NDUFB7: variants seen among roughly 807,000 people sequenced by gnomAD.
NDUFB7 encodes NADH:ubiquinone oxidoreductase subunit B7.
In NDUFB7, 18 loss-of-function variants were observed where a neutral mutation model predicts 14.7. The observed-to-expected ratio is 1.22, with a 90% CI of 0.85 to 1.81. The LOEUF (loss-of-function observed/expected upper bound fraction) is 1.81. NDUFB7 is among the 40% of genes most tolerant of loss of function. NDUFB7 has a pLI of 0.00. For missense variants in NDUFB7, 219 were observed against 195.0 expected (o/e 1.12, Z -0.73); for synonymous variants, 86 against 76.1 (o/e 1.13, Z -0.68).
At chr19:14,569,882 C>T (rs1029669593) in intron 1 of NDUFB7, among the ~76,000 whole-genome samples, 1 of 152,106 alleles carries the variant, frequency 6.6e-6, no homozygotes, top group Admixed American at 6.6e-5. Context: ...TGCCCCTTCA[C>T]ATCTTTGTTT....
chr19:14,566,401 T>G, intron 2 of NDUFB7, 136 bp from the exon 3 acceptor site: 2 of 1,436,996 alleles, frequency 1.4e-6, no homozygotes, highest in Non-Finnish European at 1.9e-6. Flanking sequence ...GCCTGTGGCT[T>G]GGGTCTGGGG....
Position 14,566,195 on chromosome 19 carries a change from T to G in NDUFB7, c.352A>C (p.Lys118Gln). The change falls in exon 3 of 3, where the codon AAG (lysine) becomes CAG (glutamine). Residue 118 changes from lysine to glutamine, a missense_variant. Lys to Gln is a moderately conservative substitution (Grantham distance 53). Transcript: ENST00000215565. ...LLQRKKRREK[K>Q]AAELAKGQGP... ...TGGCCTTTGGCCAACTCTGCCGCCTTCTTCTCCCGCCGCTTCTTCCGCTGG... is the reference window on the plus strand; with the variant it reads ...TGGCCTTTGGCCAACTCTGCCGCCTGCTTCTCCCGCCGCTTCTTCCGCTGG... 1 of 1,613,876 alleles carries G rather than the reference T, an allele frequency of 6.2e-7. No individual in the cohort carries two copies. Among genetic ancestry groups the G allele is most frequent in the East Asian group, 2.2e-5 (1 of 44,840 alleles).
intron 1 of NDUFB7, among the ~76,000 whole-genome samples, chr19:14,570,860 C>A (rs1196190306): frequency 3.9e-5 from 6 of 152,232 alleles, no homozygotes; most frequent in African/African-American, 1.2e-4. Context: ...AAAACAAACA[C>A]ACGAACCAAA....
intron 2 of NDUFB7, 70 bp from the exon 3 acceptor site, chr19:14,566,335 G>A (rs778351907): frequency 5.7e-5 from 91 of 1,604,892 alleles, no homozygotes; most frequent in Non-Finnish European, 7.1e-5. Context: ...CCTGGGAAGC[G>A]GAGGGGCCGT....
chr19:14,569,770 A>G (rs1459075524), intron 1 of NDUFB7, among the ~76,000 whole-genome samples: 2 of 152,120 alleles, frequency 1.3e-5, no homozygotes, highest in Admixed American at 6.6e-5. Flanking sequence ...CTTGTCGCCC[A>G]CTCAGTAGAC....
rs533310031 is a variant in NDUFB7, at chr19:14,570,779, G to A, written c.112+1110C>T. Among the ~76,000 whole-genome samples the A allele has an allele frequency of 2.0e-5, 3 of 152,296 alleles. No homozygotes were observed. The East Asian group carries it at 5.8e-4, about 29-fold the overall frequency. ...ATCCCTCCAGTTCCCTGCTGTATCC[G>A]CGGTGCCTAATGTGGGACGTGGCCC... is the stretch of plus-strand genomic sequence containing the variant. On this transcript the variant is annotated intron_variant, in intron 1 of 2. Coordinates refer to ENST00000215565, the MANE Select transcript of NDUFB7 (RefSeq NM_004146.6).
intron 1 of NDUFB7, among the ~76,000 whole-genome samples, chr19:14,568,277 T>G (rs1225832331): frequency 6.6e-6 from 1 of 152,206 alleles, no homozygotes; most frequent in African/African-American, 2.4e-5. Context: ...ACTCCTGACC[T>G]CAGGTGATCC....
At chr19:14,570,358 C>T (rs1238762218) in intron 1 of NDUFB7, among the ~76,000 whole-genome samples, 1 of 152,042 alleles carries the variant, frequency 6.6e-6, no homozygotes, top group Non-Finnish European at 1.5e-5. Context: ...CACCACCACG[C>T]CCCTGGCTAA....
At chr19:14,571,846 C>A in intron 1 of NDUFB7, 43 bp downstream of exon 1, 1 of 1,565,318 alleles carries the variant, frequency 6.4e-7, no homozygotes, top group South Asian at 1.2e-5. Context: ...TTCAGGCACC[C>A]GCGCCCCACG....
chr19:14,566,183 A>G lies in NDUFB7; in HGVS notation c.364T>C (p.Leu122=). The part of the protein sequence containing the change: ...KKRREKKAAE[L]AKGQGPGEVD... ...TCCCCGGGTCCCTGGCCTTTGGCCA[A>G]CTCTGCCGCCTTCTTCTCCCGCCGC... The change falls in exon 3 of 3, where the codon TTG becomes CTG. Residue 122 remains leucine (L), a synonymous_variant. Coordinates refer to ENST00000215565, the MANE Select transcript of NDUFB7 (RefSeq NM_004146.6). The G allele has an allele frequency of 1.4e-5, 23 of 1,613,318 alleles. No homozygotes were observed. The highest frequency in any genetic ancestry group is 1.9e-5 in the Non-Finnish European group (23 of 1,179,768).
rs1277736482 is a variant in NDUFB7, at chr19:14,566,896, C to G, written c.150G>C (p.Gln50His). Residue 50 changes from glutamine (Q) to histidine (H), a missense_variant, in exon 2 of 3, where the codon CAG becomes CAC. Physicochemically the swap from Gln to His is conservative, Grantham distance 24. Transcript: ENST00000215565. ...VATQQEMMDA[Q>H]LRLQLRDYCA... Reference sequence around the variant, plus strand: ...AGTAGTCCCGCAGCTGGAGCCTCAGCTGCGCGTCCATCATCTCCTGCTGTG... The same window carrying G: ...AGTAGTCCCGCAGCTGGAGCCTCAGGTGCGCGTCCATCATCTCCTGCTGTG... The G allele has an allele frequency of 6.9e-6, 11 of 1,584,236 alleles. No homozygotes were observed. The highest frequency in any genetic ancestry group is 2.3e-5 in the East Asian group (1 of 43,730).
intron 1 of NDUFB7, 120 bp downstream of exon 1, chr19:14,571,769 C>A: frequency 3.1e-6 from 3 of 962,434 alleles, no homozygotes; most frequent in East Asian, 5.3e-5. Context: ...TAGTCTAGAC[C>A]CAAACCCAGA....
At chr19:14,569,484 C>T (rs927896034) in intron 1 of NDUFB7, among the ~76,000 whole-genome samples, 3 of 152,010 alleles carry the variant, frequency 2.0e-5, no homozygotes, top group Non-Finnish European at 2.9e-5. Flanking sequence ...TCCCCGCCCC[C>T]CATTATGTTC....
At chr19:14,571,792 G>A in intron 1 of NDUFB7, 97 bp downstream of exon 1, 1 of 1,155,234 alleles carries the variant, frequency 8.7e-7, no homozygotes, top group East Asian at 2.6e-5. Flanking sequence ...CAACACCTGA[G>A]GTTAGAGCCC....
Position 14,566,892 on chromosome 19 carries a change from TCAG to T in NDUFB7, c.151_153del (p.Leu51del). Reference sequence around the variant, plus strand: ...GCGCAGTAGTCCCGCAGCTGGAGCCTCAGCTGCGCGTCCATCATCTCCTGCTGT... The same window carrying T: ...GCGCAGTAGTCCCGCAGCTGGAGCCTCTGCGCGTCCATCATCTCCTGCTGT... On this transcript the variant is annotated inframe_deletion, in exon 2 of 3. Transcript: ENST00000215565. 6.3e-7 allele frequency: 1 copy of T among 1,583,014 alleles called. No individual in the cohort carries two copies. The highest frequency in any genetic ancestry group is 8.6e-7 in the Non-Finnish European group (1 of 1,167,948).
In NDUFB7 at chr19:14,566,763, A is replaced by G. The variant is rs762690662; in HGVS notation, c.281+2T>C. On this transcript the variant is annotated splice_donor_variant, in intron 2 of 2. Transcript: ENST00000215565. LOFTEE classifies it high-confidence loss of function. ...GTTGGGGGCTGGTGTGGGGGTGCTCACTCGCGGTGCTCGCAGTAGTCCCAG... is the reference window on the plus strand; with the variant it reads ...GTTGGGGGCTGGTGTGGGGGTGCTCGCTCGCGGTGCTCGCAGTAGTCCCAG... 113 of 1,540,700 alleles carry G rather than the reference A, an allele frequency of 7.3e-5. No homozygotes were observed. Among genetic ancestry groups the G allele is most frequent in the Non-Finnish European group, 8.8e-5 (101 of 1,145,708 alleles).
intron 2 of NDUFB7, 72 bp from the exon 3 acceptor site, chr19:14,566,337 AG>A: frequency 6.2e-7 from 1 of 1,604,274 alleles, no homozygotes. Flanking sequence ...TGGGAAGCGG[AG>A]GGGCCGTCCC....
Position 14,566,246 on chromosome 19 carries a change from C to T in NDUFB7, c.301G>A (p.Glu101Lys). ...EHRDYVMRMK[E>K]FERERRLLQR... ...AGCAGCCTCCGCTCCCGCTCAAACT[C>T]CTTCATGCGCATCACATAGCTGGGG... The change falls in exon 3 of 3, where the codon GAG becomes AAG. Residue 101 changes from glutamate to lysine, a missense_variant. By Grantham distance (56) the Glu-to-Lys change is moderately conservative. Coordinates refer to ENST00000215565, the MANE Select transcript of NDUFB7 (RefSeq NM_004146.6). The T allele has an allele frequency of 6.2e-7, 1 of 1,614,092 alleles. No individual in the cohort carries two copies. The highest frequency in any genetic ancestry group is 1.1e-5 in the South Asian group (1 of 91,092).
At chr19:14,570,309 C>T (rs539429790) in intron 1 of NDUFB7, among the ~76,000 whole-genome samples, 1 of 152,284 alleles carries the variant, frequency 6.6e-6, no homozygotes, top group African/African-American at 2.4e-5. Flanking sequence ...AAGCGATTCT[C>T]CTGCCTCAGC....
Sources: gnomAD v4.1 joint callset for allele counts (sites outside exome capture counted in the v4.1 genomes callset) on GRCh38, gnomAD v4.1.1 for gene constraint, MANE v1.5 for transcripts, NCBI Gene and HGNC (gene_info 2026-07-23, HGNC 2026-07-21) for gene names.